CNTN4: variants seen among roughly 807,000 people sequenced by gnomAD.
CNTN4 encodes the protein contactin-4.
CNTN4 carries 77 observed loss-of-function variants against 122.5 expected under a neutral mutation model. The ratio of observed to expected loss-of-function variants is 0.63; its 90% CI spans 0.52 to 0.76. The LOEUF is 0.76. CNTN4 is among the 30% of genes least tolerant of loss of function. The pLI, the probability that CNTN4 is intolerant of heterozygous loss-of-function variation, is 0.00. For synonymous variants in CNTN4, 512 were observed against 447.0 expected (o/e 1.15, Z -1.83); for missense variants, 1,256 against 1,259.1 (o/e 1.00, Z 0.04).
chr3:2,335,776 A>G (rs900669725), intron 2 of CNTN4, among the ~76,000 whole-genome samples: 2 of 152,286 alleles, frequency 1.3e-5, no homozygotes, highest in Admixed American at 6.5e-5. Flanking sequence ...TTATATAATC[A>G]GCAACTTCTC....
chr3:2,425,614 A>G (rs1417338473), intron 3 of CNTN4, among the ~76,000 whole-genome samples: 1 of 152,162 alleles, frequency 6.6e-6, no homozygotes, highest in Non-Finnish European at 1.5e-5. Flanking sequence ...GAAGAAAGTC[A>G]TTGGTAGCTT....
At chr3:2,343,303 T>C (rs1352277507) in intron 3 of CNTN4, among the ~76,000 whole-genome samples, 1 of 152,184 alleles carries the variant, frequency 6.6e-6, no homozygotes, top group Non-Finnish European at 1.5e-5. Context: ...AAATGGAAAG[T>C]ACCTCTGATT....
intron 6 of CNTN4, among the ~76,000 whole-genome samples, chr3:2,763,502 C>G (rs2090693748): frequency 6.6e-6 from 1 of 152,076 alleles, no homozygotes; most frequent in South Asian, 2.1e-4. Flanking sequence ...TCCCATTTGT[C>G]AATTTTTGCT....
chr3:2,696,191 A>G (rs1406132569), intron 4 of CNTN4, among the ~76,000 whole-genome samples: 3 of 152,254 alleles, frequency 2.0e-5, no homozygotes, highest in East Asian at 1.9e-4. Context: ...ATAAATAATC[A>G]TCGTTGATAA....
Position 2,758,575 on chromosome 3 carries a change from G to A in CNTN4, c.358+12878G>A, listed in dbSNP as rs1040659637. ...CTCTGTCTGCTGGCGTGCAGTGGCG[G>A]GATCTCGGCTCACCTCTGCCTCCCA... On this transcript the variant is annotated intron_variant, in intron 6 of 24. Transcript: ENST00000418658. Among the ~76,000 whole-genome samples the A allele has an allele frequency of 1.1e-4, 17 of 148,972 alleles. No homozygotes were observed. In the East Asian group the frequency reaches 1.2e-3, roughly 10 times the overall value.
Position 2,600,005 on chromosome 3 carries a change from C to CTTTTT in CNTN4, c.55+28449_55+28450insTTTTT, listed in dbSNP as rs1220761684. Among the ~76,000 whole-genome samples, 23 of 28,288 alleles carry CTTTTT rather than the reference C, an allele frequency of 8.1e-4. 4 individuals are homozygous for CTTTTT. Among genetic ancestry groups the CTTTTT allele is most frequent in the South Asian group, 1.5e-3 (1 of 668 alleles). 18.6% of individuals were successfully genotyped at this position (28,288 alleles called of 152,430 possible). ...CAACTCTATTTTGGTTTATGGAATT[C>CTTTTT]TTCTTTTTTTTTTTTTTTTTTTTTT... On this transcript the variant is annotated intron_variant, in intron 4 of 24. Transcript: ENST00000418658.
chr3:2,227,216 A>G (rs998712478), intron 2 of CNTN4, among the ~76,000 whole-genome samples: 2 of 152,190 alleles, frequency 1.3e-5, no homozygotes, highest in Non-Finnish European at 2.9e-5. Context: ...TCTATTATTT[A>G]TCTTTACATT....
intron 6 of CNTN4, among the ~76,000 whole-genome samples, chr3:2,785,818 A>T (rs73807938): frequency 0.032 from 4,773 of 150,574 alleles, 246 homozygotes; most frequent in African/African-American, 0.11. Flanking sequence ...GCCTGGACTC[A>T]TGGCCCAAAG....
At chr3:2,775,412 CTCTT>C (rs2091275434) in intron 6 of CNTN4, among the ~76,000 whole-genome samples, 1 of 152,050 alleles carries the variant, frequency 6.6e-6, no homozygotes, top group Non-Finnish European at 1.5e-5. Flanking sequence ...CATTTAATCT[CTCTT>C]TATTTGATTT....
At chr3:3,048,481 C>T (rs1700903966) in intron 23 of CNTN4, among the ~76,000 whole-genome samples, 1 of 151,112 alleles carries the variant, frequency 6.6e-6, no homozygotes, top group Admixed American at 6.6e-5. Flanking sequence ...TACCAAGGTA[C>T]CAATGAATAA....
intron 2 of CNTN4, among the ~76,000 whole-genome samples, chr3:2,104,169 C>CT (rs957131604): frequency 2.0e-5 from 3 of 151,308 alleles, no homozygotes; most frequent in East Asian, 1.9e-4. Context: ...GAGAATTTTG[C>CT]TTTTTTTTCT....
chr3:2,430,270 A>G (rs1295120882), intron 3 of CNTN4, among the ~76,000 whole-genome samples: 1 of 151,688 alleles, frequency 6.6e-6, no homozygotes, highest in African/African-American at 2.4e-5. Context: ...AAAATACAAA[A>G]AATTAGCCGG....
intron 9 of CNTN4, among the ~76,000 whole-genome samples, chr3:2,884,838 A>G (rs1265193413): frequency 6.6e-6 from 1 of 152,168 alleles, no homozygotes; most frequent in Non-Finnish European, 1.5e-5. Flanking sequence ...AAAAACAAAA[A>G]TCCCAAATTG....
intron 4 of CNTN4, among the ~76,000 whole-genome samples, chr3:2,675,366 T>A (rs191977703): frequency 1.3e-5 from 2 of 152,276 alleles, no homozygotes; most frequent in Admixed American, 1.3e-4. Context: ...TTAACATGCC[T>A]GACTCTGTCT....
intron 3 of CNTN4, among the ~76,000 whole-genome samples, chr3:2,432,514 G>C (rs1241266238): frequency 6.6e-6 from 1 of 152,094 alleles, no homozygotes; most frequent in East Asian, 1.9e-4. Flanking sequence ...TGAGACTTCA[G>C]CATTAGAAAG....
At chr3:2,230,548 T>C (rs765037675) in intron 2 of CNTN4, among the ~76,000 whole-genome samples, 9 of 152,298 alleles carry the variant, frequency 5.9e-5, no homozygotes, top group South Asian at 4.1e-4. Context: ...GATAGGATTG[T>C]ACCAATAATA....
intron 2 of CNTN4, among the ~76,000 whole-genome samples, chr3:2,224,317 C>T (rs187084570): frequency 3.3e-5 from 5 of 152,238 alleles, no homozygotes; most frequent in East Asian, 1.9e-4. Flanking sequence ...CTCACCTGCT[C>T]CTCTCAAAAA....
At chr3:2,835,152 G>A (rs528843703) in intron 7 of CNTN4, among the ~76,000 whole-genome samples, 4 of 151,670 alleles carry the variant, frequency 2.6e-5, no homozygotes, top group East Asian at 3.9e-4. Flanking sequence ...CGATCCGCCC[G>A]CCTCAGCCTC....
Position 3,045,379 on chromosome 3 carries a change from C to G in CNTN4, c.2811+1675C>G, listed in dbSNP as rs373614235. ...AGTAGCCTAACTGGGAGGTACCCCC[C>G]AGTAGGGGCAGACTGACACCTCACA... is the stretch of plus-strand genomic sequence containing the variant. On this transcript the variant is annotated intron_variant, in intron 23 of 24. Transcript: ENST00000418658. 3.3e-5 allele frequency among the ~76,000 whole-genome samples: 5 copies of G among 152,336 alleles called. No homozygotes were observed. In the East Asian group the frequency reaches 5.8e-4, roughly 18 times the overall value.
Sources: allele counts gnomAD v4.1 joint callset (sites outside exome capture counted in the v4.1 genomes callset), GRCh38; gene constraint gnomAD v4.1.1; transcripts MANE v1.5; gene names NCBI Gene and HGNC (gene_info 2026-07-23, HGNC 2026-07-21).